The following MED12L variants were observed in gnomAD, a reference collection of about 807,000 sequenced individuals.
MED12L encodes the protein mediator complex subunit 12L, also known as mediator of RNA polymerase II transcription subunit 12-like protein.
MED12L carries 60 observed loss-of-function variants against 281.3 expected under a neutral mutation model. The ratio of observed to expected loss-of-function variants is 0.21; its 90% CI spans 0.17 to 0.26. MED12L has a LOEUF of 0.26. Ranked by LOEUF, MED12L falls within the 10% of genes least tolerant of loss-of-function variation. MED12L has a pLI of 1.00. For missense variants in MED12L, 2,146 were observed against 2,680.9 expected (o/e 0.80, Z 4.41); for synonymous variants, 974 against 987.2 (o/e 0.99, Z 0.25).
At chr3:151,306,536 G>A (rs569192781) in intron 16 of MED12L, among the ~76,000 whole-genome samples, 2 of 152,350 alleles carry the variant, frequency 1.3e-5, no homozygotes, top group South Asian at 4.1e-4. Context: ...CTCCCCAGAA[G>A]GGCTATGGGA....
At chr3:151,090,525 T>A (rs1184723883) in intron 2 of MED12L, among the ~76,000 whole-genome samples, 1 of 152,188 alleles carries the variant, frequency 6.6e-6, no homozygotes, top group Non-Finnish European at 1.5e-5. Flanking sequence ...GCACAATTAG[T>A]TCCTAGAAGG....
chr3:151,328,932 T>A, intron 16 of MED12L: 1 of 1,613,802 alleles, frequency 6.2e-7, no homozygotes, highest in Non-Finnish European at 8.5e-7. Flanking sequence ...AGCTGTACTA[T>A]CCGAGTGTCT....
chr3:151,098,236 G>A (rs1331837937), intron 2 of MED12L, among the ~76,000 whole-genome samples: 1 of 152,154 alleles, frequency 6.6e-6, no homozygotes, highest in Admixed American at 6.5e-5. Flanking sequence ...TAAGATGATT[G>A]AGGGTTGCAG....
At chr3:151,371,719 T>C (rs1756212046) in intron 26 of MED12L, among the ~76,000 whole-genome samples, 1 of 152,336 alleles carries the variant, frequency 6.6e-6, no homozygotes, top group East Asian at 1.9e-4. Context: ...AGGCCTATGA[T>C]CCTGTGAGTA....
intron 16 of MED12L, among the ~76,000 whole-genome samples, chr3:151,257,750 G>A (rs975676466): frequency 6.6e-6 from 1 of 152,128 alleles, no homozygotes; most frequent in African/African-American, 2.4e-5. Flanking sequence ...TGGTATTTAT[G>A]GAGCTATATC....
chr3:151,305,721 GTTATT>G (rs1746548764), intron 16 of MED12L, among the ~76,000 whole-genome samples: 1 of 151,886 alleles, frequency 6.6e-6, no homozygotes, highest in Non-Finnish European at 1.5e-5. Context: ...ATTCTGGGGG[GTTATT>G]TTAGAGGACA....
chr3:151,133,956 T>C (rs1388839994), intron 5 of MED12L, among the ~76,000 whole-genome samples: 4 of 152,270 alleles, frequency 2.6e-5, no homozygotes, highest in Non-Finnish European at 5.9e-5. Context: ...AGGAGTCTTA[T>C]TGTTGCTGAA....
chr3:151,412,833 A>G (rs550854219), intron 41 of MED12L, among the ~76,000 whole-genome samples: 7 of 152,330 alleles, frequency 4.6e-5, no homozygotes, highest in Admixed American at 2.6e-4. Context: ...CACATTTCAG[A>G]CCTTTAGTAC....
chr3:151,174,186 T>TGA (rs1721774334), intron 11 of MED12L, among the ~76,000 whole-genome samples: 1 of 152,178 alleles, frequency 6.6e-6, no homozygotes, highest in Admixed American at 6.5e-5. Context: ...TTTTGGAGCA[T>TGA]TTCAGATTTT....
At chr3:151,297,970 T>C (rs1362413662) in intron 16 of MED12L, among the ~76,000 whole-genome samples, 5 of 152,100 alleles carry the variant, frequency 3.3e-5, no homozygotes, top group Non-Finnish European at 7.4e-5. Context: ...AAGCCTGTTA[T>C]GGGTTATTTG....
intron 44 of MED12L, among the ~76,000 whole-genome samples, chr3:151,432,094 G>T (rs1325969289): frequency 2.0e-5 from 3 of 152,168 alleles, no homozygotes; most frequent in African/African-American, 7.2e-5. Flanking sequence ...AACTCCAGAG[G>T]GCTCCTTTGA....
At chr3:151,224,567 C>G (rs967125708) in intron 16 of MED12L, among the ~76,000 whole-genome samples, 1 of 152,050 alleles carries the variant, frequency 6.6e-6, no homozygotes, top group African/African-American at 2.4e-5. Context: ...ATAACTGTCT[C>G]ATCTGTGTTC....
intron 3 of MED12L, among the ~76,000 whole-genome samples, chr3:151,120,515 C>T (rs1357099241): frequency 6.6e-6 from 1 of 152,104 alleles, no homozygotes; most frequent in African/African-American, 2.4e-5. Context: ...AAATGTATAT[C>T]CACACAGTAC....
intron 43 of MED12L, among the ~76,000 whole-genome samples, chr3:151,423,900 T>G (rs1156863189): frequency 6.6e-6 from 1 of 152,228 alleles, no homozygotes; most frequent in Non-Finnish European, 1.5e-5. Context: ...CGACTGATCC[T>G]TGTGTCCGTT....
Position 151,355,490 on chromosome 3 carries a change from ATAGT to A in MED12L, c.2517+255_2517+258del, listed in dbSNP as rs1346001178. Among the ~76,000 whole-genome samples the A allele has an allele frequency of 3.3e-5, 5 of 152,184 alleles. No homozygotes were observed. The East Asian group carries it at 7.7e-4, about 23-fold the overall frequency. On this transcript the variant is annotated intron_variant, in intron 18 of 44. Transcript: ENST00000687756. ...GACATATAAAGTAATAGCTAATGAA[ATAGT>A]TAGGTTATTAGAGTTTGGTCCTATA...
chr3:151,236,694 A>G (rs1732891431), intron 16 of MED12L, among the ~76,000 whole-genome samples: 1 of 152,210 alleles, frequency 6.6e-6, no homozygotes, highest in South Asian at 2.1e-4. Context: ...GAATGAAGTT[A>G]TGATTTTAAA....
At chr3:151,328,675 C>T (rs1268247393) in intron 16 of MED12L, 1 of 1,613,712 alleles carries the variant, frequency 6.2e-7, no homozygotes, top group African/African-American at 1.3e-5. Context: ...TGCCCACATA[C>T]ATGGTCTCAT....
intron 2 of MED12L, among the ~76,000 whole-genome samples, chr3:151,096,910 C>T (rs1248930274): frequency 6.6e-6 from 1 of 152,350 alleles, no homozygotes; most frequent in Non-Finnish European, 1.5e-5. Context: ...ATTTAGGGCA[C>T]CCGGTGCCTC....
chr3:151,376,492 A>G (rs1756870496), intron 28 of MED12L, among the ~76,000 whole-genome samples: 1 of 152,184 alleles, frequency 6.6e-6, no homozygotes, highest in African/African-American at 2.4e-5. Flanking sequence ...ATATTATTAA[A>G]GAAATATTGA....
Sources: allele counts gnomAD v4.1 joint callset (sites outside exome capture counted in the v4.1 genomes callset), GRCh38; gene constraint gnomAD v4.1.1; transcripts MANE v1.5; gene names NCBI Gene and HGNC (gene_info 2026-07-23, HGNC 2026-07-21).